Variants in GRB2 observed in about 807,000 individuals in gnomAD.
GRB2 encodes the protein growth factor receptor bound protein 2, also known as growth factor receptor-bound protein 2.
GRB2 carries 2 observed loss-of-function variants against 27.4 expected under a neutral mutation model. The ratio of observed to expected loss-of-function variants is 0.07; its 90% CI spans 0.03 to 0.23. The LOEUF is 0.23. Ranked by LOEUF, GRB2 falls within the 10% of genes least tolerant of loss-of-function variation. GRB2 has a pLI of 1.00. For missense variants in GRB2, 102 were observed against 282.4 expected, an observed-to-expected ratio of 0.36 and a Z score of 4.58; for synonymous variants, 94 against 99.6, an observed-to-expected ratio of 0.94 and a Z score of 0.33.
In GRB2 at chr17:75,324,366, ATTT is replaced by A. The variant is rs1156329058; in HGVS notation, c.299+1529_299+1531del. 4.7e-3 allele frequency among the ~76,000 whole-genome samples: 441 copies of A among 93,596 alleles called. 3 individuals carry two copies. Among genetic ancestry groups the A allele is most frequent in the African/African-American group, 0.015 (412 of 26,842 alleles). The allele number at this position is 93,596 out of a possible 152,430, so 61.4% of individuals were successfully genotyped here. A position where few individuals can be genotyped will look rare whatever the true frequency, so the allele number is the denominator to read the frequency against. ...GCCACCACGCCGAGGCCATTTTTGTATTTTTTTTTTTTTTTTTTTTTTTAGTAG... is the reference window on the plus strand; with the variant it reads ...GCCACCACGCCGAGGCCATTTTTGTATTTTTTTTTTTTTTTTTTTTAGTAG... On this transcript the variant is annotated intron_variant, in intron 4 of 5. Transcript: ENST00000316804.
intron 2 of GRB2, among the ~76,000 whole-genome samples, chr17:75,390,364 T>C (rs1300244134): frequency 6.6e-6 from 1 of 152,184 alleles, no homozygotes; most frequent in African/African-American, 2.4e-5. Flanking sequence ...AGGTAAGTTT[T>C]ATGTGCTCTA....
chr17:75,364,039 A>G (rs2078803815), intron 2 of GRB2, among the ~76,000 whole-genome samples: 1 of 152,170 alleles, frequency 6.6e-6, no homozygotes, highest in South Asian at 2.1e-4. Flanking sequence ...CTAAACCAGC[A>G]TATCTAACAG....
chr17:75,380,246 C>A (rs1237996807), intron 2 of GRB2, among the ~76,000 whole-genome samples: 1 of 151,784 alleles, frequency 6.6e-6, no homozygotes, highest in Non-Finnish European at 1.5e-5. Flanking sequence ...AGCAAGACGG[C>A]CCTAAAATAT....
At chr17:75,343,143 C>T (rs1222819888) in intron 2 of GRB2, among the ~76,000 whole-genome samples, 2 of 149,940 alleles carry the variant, frequency 1.3e-5, no homozygotes, top group Non-Finnish European at 3.0e-5. Flanking sequence ...GGGGCTGGAC[C>T]AGGGAGAGAG....
intron 2 of GRB2, among the ~76,000 whole-genome samples, chr17:75,340,517 A>T (rs925290888): frequency 6.6e-6 from 1 of 152,238 alleles, no homozygotes; most frequent in Non-Finnish European, 1.5e-5. Context: ...GAAAAGAGAA[A>T]ACACACATGC....
At chr17:75,390,353 T>C (rs956493308) in intron 2 of GRB2, among the ~76,000 whole-genome samples, 2 of 152,172 alleles carry the variant, frequency 1.3e-5, no homozygotes, top group African/African-American at 2.4e-5. Context: ...TTGCAACTCC[T>C]AGGTAAGTTT....
chr17:75,352,313 C>T (rs150888533), intron 2 of GRB2, among the ~76,000 whole-genome samples: 1 of 152,302 alleles, frequency 6.6e-6, no homozygotes, highest in Non-Finnish European at 1.5e-5. Context: ...ACACGCTGCT[C>T]CATGTGAAAA....
chr17:75,354,720 CTAT>C (rs763582821), intron 2 of GRB2, among the ~76,000 whole-genome samples: 49 of 152,050 alleles, frequency 3.2e-4, no homozygotes, highest in Admixed American at 6.6e-4. Flanking sequence ...GATGTGACAG[CTAT>C]TATTCAAACT....
intron 2 of GRB2, among the ~76,000 whole-genome samples, chr17:75,378,444 T>C (rs2078908429): frequency 6.6e-6 from 1 of 152,130 alleles, no homozygotes; most frequent in Non-Finnish European, 1.5e-5. Flanking sequence ...TAATTTTTCA[T>C]GTGGTCACCT....
At chr17:75,381,284 C>T (rs1350223704) in intron 2 of GRB2, among the ~76,000 whole-genome samples, 1 of 152,066 alleles carries the variant, frequency 6.6e-6, no homozygotes, top group Non-Finnish European at 1.5e-5. Context: ...AGTAAAAATA[C>T]TGGAATAGAG....
intron 2 of GRB2, among the ~76,000 whole-genome samples, chr17:75,376,344 CAAAAAAAAA>C (rs71159502): frequency 2.7e-5 from 2 of 74,480 alleles, no homozygotes; most frequent in African/African-American, 9.5e-5. Flanking sequence ...GACTCTGTCT[CAAAAAAAAA>C]AAAAAAAAAA....
intron 3 of GRB2, among the ~76,000 whole-genome samples, chr17:75,326,613 G>A (rs1212834679): frequency 6.6e-6 from 1 of 152,254 alleles, no homozygotes. Context: ...CCACTGCTCA[G>A]AGTTCAGCTT....
At chr17:75,336,058 C>G (rs1413467823) in intron 2 of GRB2, among the ~76,000 whole-genome samples, 1 of 152,084 alleles carries the variant, frequency 6.6e-6, no homozygotes, top group Admixed American at 6.5e-5. Flanking sequence ...CTCTGAATAG[C>G]CTTTGAGAAA....
At chr17:75,328,958 A>T (rs886463676) in intron 3 of GRB2, among the ~76,000 whole-genome samples, 1 of 151,718 alleles carries the variant, frequency 6.6e-6, no homozygotes, top group African/African-American at 2.4e-5. Flanking sequence ...TAAATAAATA[A>T]ATAAATAAAT....
chr17:75,357,512 T>C (rs114104887), intron 2 of GRB2, among the ~76,000 whole-genome samples: 82 of 152,300 alleles, frequency 5.4e-4, no homozygotes, highest in African/African-American at 1.9e-3. Context: ...TTTGAAAAAA[T>C]AAAGTTGTCT....
chr17:75,399,663 G>T (rs1448641233), intron 1 of GRB2, among the ~76,000 whole-genome samples: 1 of 142,234 alleles, frequency 7.0e-6, no homozygotes, highest in Non-Finnish European at 1.6e-5. Context: ...CACCGCGCCC[G>T]ACCAACAATT....
At chr17:75,378,224 T>G (rs1371710110) in intron 2 of GRB2, among the ~76,000 whole-genome samples, 1 of 152,036 alleles carries the variant, frequency 6.6e-6, no homozygotes, top group Non-Finnish European at 1.5e-5. Context: ...ACACCGTCTC[T>G]ACTAAAAATA....
chr17:75,330,629 G>A (rs1242245642), intron 3 of GRB2, among the ~76,000 whole-genome samples: 14 of 151,684 alleles, frequency 9.2e-5, no homozygotes, highest in African/African-American at 3.4e-4. Context: ...AGCTGAGATA[G>A]CACCACTGCA....
chr17:75,374,545 A>G (rs1380803976), intron 2 of GRB2, among the ~76,000 whole-genome samples: 3 of 152,048 alleles, frequency 2.0e-5, no homozygotes, highest in Non-Finnish European at 4.4e-5. Context: ...GCCTGGCAAC[A>G]TGGAAAAATC....
Sources: gnomAD v4.1 joint callset for allele counts (sites outside exome capture counted in the v4.1 genomes callset) on GRCh38, gnomAD v4.1.1 for gene constraint, MANE v1.5 for transcripts, NCBI Gene and HGNC (gene_info 2026-07-23, HGNC 2026-07-21) for gene names.